Variants in RAD54L2 observed in about 807,000 individuals in gnomAD.
RAD54L2 encodes the protein RAD54 like 2.
In RAD54L2, 27 loss-of-function variants were observed where a neutral mutation model predicts 138.4. The observed-to-expected ratio is 0.20, with a 90% CI of 0.14 to 0.27. The LOEUF is 0.27. Ranked by LOEUF, RAD54L2 falls within the 10% of genes least tolerant of loss-of-function variation. RAD54L2 has a pLI of 1.00. For missense variants in RAD54L2, 1,396 were observed against 1,890.2 expected (o/e 0.74, Z 4.85); for synonymous variants, 644 against 723.2 (o/e 0.89, Z 1.76).
intron 21 of RAD54L2, 37 bp from the exon 22 acceptor site, chr3:51,659,989 G>C (rs374213441): frequency 6.6e-7 from 1 of 1,508,140 alleles, no homozygotes; most frequent in South Asian, 1.2e-5. Flanking sequence ...TGTATTATAT[G>C]TCTGCCTCTA....
chr3:51,616,444 ATG>A (rs1258610417), intron 3 of RAD54L2, among the ~76,000 whole-genome samples: 1 of 152,196 alleles, frequency 6.6e-6, no homozygotes, highest in East Asian at 1.9e-4. Context: ...GTCAGCATTA[ATG>A]TGTAATTTAA....
Position 51,590,380 on chromosome 3 carries a change from G to T in RAD54L2, c.-41G>T, listed in dbSNP as rs1577407618. 1.3e-6 allele frequency: 2 copies of T among 1,487,016 alleles called. No homozygotes were observed. Among genetic ancestry groups the T allele is most frequent in the African/African-American group, 1.4e-5 (1 of 71,514 alleles). The allele number at this position is 1,487,016 out of a possible 1,614,324, so 92.1% of individuals were successfully genotyped here. Reference sequence around the variant, plus strand: ...ATCCTCTCCTAGCACCCCTGCAGTGGACCATGAGTCGGTAATGCCCACTGA... The same window carrying T: ...ATCCTCTCCTAGCACCCCTGCAGTGTACCATGAGTCGGTAATGCCCACTGA... On this transcript the variant is annotated 5_prime_UTR_variant, in exon 3 of 23. Coordinates refer to ENST00000684192, the MANE Select transcript of RAD54L2 (RefSeq NM_015106.4).
At position 51,646,272 on chromosome 3, in the gene RAD54L2, C is replaced by A; in HGVS notation, c.2830-13C>A. 6.4e-7 allele frequency: 1 copy of A among 1,567,206 alleles called. No individual in the cohort carries two copies. The highest frequency in any genetic ancestry group is 8.6e-7 in the Non-Finnish European group (1 of 1,156,296). Reference sequence around the variant, plus strand: ...ATGTTGGTAACTAAATCAACATCCTCCTGTGTCCCCAGGAGCCTTTCGAGC... The same window carrying A: ...ATGTTGGTAACTAAATCAACATCCTACTGTGTCCCCAGGAGCCTTTCGAGC... On this transcript the variant is annotated splice_polypyrimidine_tract_variant and intron_variant, in intron 18 of 22. Transcript: ENST00000684192.
rs1206134552 is a variant in RAD54L2, at chr3:51,664,418, C to T, written c.*998C>T. On this transcript the variant is annotated 3_prime_UTR_variant, in exon 23 of 23. Coordinates refer to ENST00000684192, the MANE Select transcript of RAD54L2 (RefSeq NM_015106.4). ...AAATACATTTTTCACCAGGGTAGAA[C>T]TGAGCCCCCAGCTGCCTATCCTGGT... 6.6e-6 allele frequency: 1 copy of T among 152,194 alleles called. No individual in the cohort carries two copies. Among genetic ancestry groups the T allele is most frequent in the African/African-American group, 2.4e-5 (1 of 41,442 alleles). The allele number at this position is 152,194 out of a possible 1,614,324, so 9.4% of individuals were successfully genotyped here.
chr3:51,577,628 T>A (rs761506912), intron 2 of RAD54L2, among the ~76,000 whole-genome samples: 2 of 152,222 alleles, frequency 1.3e-5, no homozygotes, highest in Non-Finnish European at 2.9e-5. Context: ...TTGATCTTTG[T>A]TGGTTTAAAG....
At chr3:51,644,726 G>A (rs1186303462) in intron 16 of RAD54L2, among the ~76,000 whole-genome samples, 1 of 152,334 alleles carries the variant, frequency 6.6e-6, no homozygotes, top group Non-Finnish European at 1.5e-5. Context: ...TCTGTGTGCA[G>A]AAGTTTCCCC....
rs1176726827 is a variant in RAD54L2, at chr3:51,639,754, G to A, written c.2112+84G>A. ...CCCTGCCTGGGGAAGGGGTAGGGAT[G>A]CATGGCTAGGGTCTCTGTATGGAAT... On this transcript the variant is annotated intron_variant, in intron 13 of 22. Transcript: ENST00000684192. The A allele has an allele frequency of 4.5e-6, 7 of 1,553,268 alleles. No individual in the cohort carries two copies. In the Admixed American group the frequency reaches 1.3e-4, roughly 29 times the overall value.
intron 6 of RAD54L2, 113 bp from the exon 7 acceptor site, chr3:51,630,592 A>G (rs1192994481): frequency 2.9e-6 from 3 of 1,036,800 alleles, no homozygotes; most frequent in South Asian, 1.7e-5. Flanking sequence ...CAAAATTTTA[A>G]TAAGTGTTGA....
chr3:51,626,831 C>CATG (rs1346626843), intron 3 of RAD54L2, among the ~76,000 whole-genome samples: 1 of 152,156 alleles, frequency 6.6e-6, no homozygotes, highest in Non-Finnish European at 1.5e-5. Context: ...ATAGTTCCTT[C>CATG]ATGATCATTA....
At chr3:51,597,165 CAA>C (rs145812228) in intron 3 of RAD54L2, among the ~76,000 whole-genome samples, 106 of 49,240 alleles carry the variant, frequency 2.2e-3, no homozygotes, top group Non-Finnish European at 3.1e-3. Context: ...GACTTCATTT[CAA>C]AAAAAAAAAA....
chr3:51,559,123 C>G (rs1699042327), intron 2 of RAD54L2, among the ~76,000 whole-genome samples: 1 of 151,366 alleles, frequency 6.6e-6, no homozygotes, highest in Non-Finnish European at 1.5e-5. Flanking sequence ...GATCCACCAT[C>G]CTCGGCCTCC....
intron 2 of RAD54L2, among the ~76,000 whole-genome samples, chr3:51,546,457 A>G (rs1201172842): frequency 2.0e-5 from 3 of 150,420 alleles, no homozygotes; most frequent in Non-Finnish European, 4.4e-5. Flanking sequence ...CCTGATCAAC[A>G]TGGAGAAACC....
Position 51,611,596 on chromosome 3 carries a change from T to G in RAD54L2, c.140-15957T>G, listed in dbSNP as rs139029031. Reference sequence around the variant, plus strand: ...TTTTGATTGAGATGGAGTCTCACTCTGTTGCCCAGGCTGGAGTGCAGTGGC... The same window carrying G: ...TTTTGATTGAGATGGAGTCTCACTCGGTTGCCCAGGCTGGAGTGCAGTGGC... On this transcript the variant is annotated intron_variant, in intron 3 of 22. Transcript: ENST00000684192. 1,059 of 152,018 alleles carry G rather than the reference T, an allele frequency of 7.0e-3. 4 individuals carry two copies. Among genetic ancestry groups the G allele is most frequent in the Middle Eastern group, 0.024 (7 of 294 alleles). 9.4% of individuals were successfully genotyped at this position (152,018 alleles called of 1,614,324 possible). A position where few individuals can be genotyped will look rare whatever the true frequency, so the allele number is the denominator to read the frequency against.
At chr3:51,601,606 T>A (rs1209872464) in intron 3 of RAD54L2, among the ~76,000 whole-genome samples, 1 of 151,574 alleles carries the variant, frequency 6.6e-6, no homozygotes, top group Non-Finnish European at 1.5e-5. Context: ...GCGCCCGGGC[T>A]AATTTTTTAT....
chr3:51,627,105 T>C (rs922069836), intron 3 of RAD54L2, among the ~76,000 whole-genome samples: 66 of 152,154 alleles, frequency 4.3e-4, no homozygotes, highest in African/African-American at 1.5e-3. Context: ...CATGAAATGA[T>C]TGGCAAGTTT....
At chr3:51,642,382 G>GT (rs1263352118) in intron 15 of RAD54L2, among the ~76,000 whole-genome samples, 1 of 146,476 alleles carries the variant, frequency 6.8e-6, no homozygotes, top group African/African-American at 2.5e-5. Context: ...TTTAAAATGT[G>GT]TAAGTCAAGT....
rs1425796693 is a variant in RAD54L2 at position 51,668,320 on chromosome 3, G to A, written c.*4900G>A. ...TAAGACCAGACTGCTGCCAGGAGGA[G>A]TGGGGGATAATGAGGTGGCCCCAGG... On this transcript the variant is annotated 3_prime_UTR_variant, in exon 23 of 23. Coordinates refer to ENST00000684192, the MANE Select transcript of RAD54L2 (RefSeq NM_015106.4). The A allele has an allele frequency of 6.6e-6, 1 of 152,300 alleles. No individual in the cohort carries two copies. The highest frequency in any genetic ancestry group is 2.4e-5 in the African/African-American group (1 of 41,442). The allele number at this position is 152,300 out of a possible 1,614,324, so 9.4% of individuals were successfully genotyped here.
In RAD54L2 at chr3:51,633,969, C is replaced by T. The variant is rs781475410; in HGVS notation, c.1076C>T (p.Ala359Val). 6.2e-7 allele frequency: 1 copy of T among 1,613,826 alleles called. No homozygotes were observed. Among genetic ancestry groups the T allele is most frequent in the Admixed American group, 1.7e-5 (1 of 60,004 alleles). Residue 359 changes from alanine (A) to valine (V), a missense_variant, in exon 9 of 23, where the codon GCT (alanine) becomes GTT (valine). Around this residue, in one of 7 missense-constraint regions of RAD54L2, gnomAD observed 169 missense variants for 235.6 expected, o/e 0.72. Coordinates refer to ENST00000684192, the MANE Select transcript of RAD54L2 (RefSeq NM_015106.4). ...MWLPPPEALP[A>V]DNKPEEVQPR... The stretch of plus-strand genomic sequence containing the variant: ...CTTCCACCTCCTGAAGCCCTCCCGG[C>T]TGACAACAAGCCTGAAGAAGTCCAG...
chr3:51,604,275 T>C (rs959480744), intron 3 of RAD54L2, among the ~76,000 whole-genome samples: 3 of 152,150 alleles, frequency 2.0e-5, no homozygotes, highest in African/African-American at 7.2e-5. Context: ...CGTTTAGGTT[T>C]GTAATCCATC....
Sources: gnomAD v4.1 joint callset for allele counts (sites outside exome capture counted in the v4.1 genomes callset) on GRCh38, gnomAD v4.1.1 for gene constraint, gnomAD v4.1.1 regional missense constraint, MANE v1.5 for transcripts, NCBI Gene and HGNC (gene_info 2026-07-23, HGNC 2026-07-21) for gene names.